ZAP70: variants seen among roughly 807,000 people sequenced by gnomAD.
ZAP70 encodes the protein zeta chain of T cell receptor associated protein kinase 70, also known as tyrosine-protein kinase ZAP-70.
Under a neutral mutation model 65.8 loss-of-function variants are expected in ZAP70, and 27 were observed. The ratio of observed to expected loss-of-function variants is 0.41; its 90% CI spans 0.30 to 0.57. ZAP70 has a LOEUF of 0.57. Ranked by LOEUF, ZAP70 falls within the 20% of genes least tolerant of loss-of-function variation. ZAP70 has a pLI of 0.28. For missense variants in ZAP70, 696 were observed against 870.5 expected (o/e 0.80, Z 2.52); for synonymous variants, 363 against 360.8 (o/e 1.01, Z -0.07).
the ZAP70 span, among the ~76,000 whole-genome samples, chr2:97,746,473 A>G: frequency 6.6e-6 from 1 of 152,210 alleles, no homozygotes; most frequent in Admixed American, 6.5e-5. Context: ...GCCACAATTT[A>G]TAGACCTGTG....
intron 8 of ZAP70, 173 bp downstream of exon 8, chr2:97,733,768 C>A: frequency 1.3e-6 from 1 of 757,676 alleles, no homozygotes. Flanking sequence ...CCTGCCTGTG[C>A]ACATGTACGT....
chr2:97,716,895 C>T (rs973243668), intron 2 of ZAP70, among the ~76,000 whole-genome samples: 2 of 152,204 alleles, frequency 1.3e-5, no homozygotes, highest in Non-Finnish European at 2.9e-5. Flanking sequence ...TGGACACCTT[C>T]ACTGGCCCTG....
At chr2:97,717,651 G>C (rs572107785) in intron 2 of ZAP70, among the ~76,000 whole-genome samples, 1 of 152,226 alleles carries the variant, frequency 6.6e-6, no homozygotes, top group Non-Finnish European at 1.5e-5. Flanking sequence ...GACCTTCAAG[G>C]CTTTGCTGAA....
chr2:97,732,781 T>A, intron 4 of ZAP70, 102 bp from the exon 5 acceptor site: 1 of 1,534,212 alleles, frequency 6.5e-7, no homozygotes, highest in Non-Finnish European at 8.9e-7. Context: ...TCTGCAAGGC[T>A]CTGAGGTGTG....
At chr2:97,739,310 AC>A in intron 13 of ZAP70, 64 bp from the exon 14 acceptor site, 1 of 1,604,798 alleles carries the variant, frequency 6.2e-7, no homozygotes, top group East Asian at 2.2e-5. Flanking sequence ...GTGCATGCCC[AC>A]CCACTGGTGA....
chr2:97,737,464 C>T lies in ZAP70; in HGVS notation c.1290-9C>T, dbSNP rs1279831174. The T allele has an allele frequency of 6.2e-7, 1 of 1,614,072 alleles. No individual in the cohort carries two copies. Among genetic ancestry groups the T allele is most frequent in the Admixed American group, 1.7e-5 (1 of 60,010 alleles). On this transcript the variant is annotated splice_polypyrimidine_tract_variant and intron_variant, in intron 10 of 13. Coordinates refer to ENST00000264972, the MANE Select transcript of ZAP70 (RefSeq NM_001079.4). The surrounding 1 kb of genome is among the most constrained non-coding windows in gnomAD (Gnocchi z 5.0). ...CTCCCAGCTGACCCCGCCTTCCCCG[C>T]CACCCCAGGGAGGAGATCCCTGTGA... is the stretch of plus-strand genomic sequence containing the variant.
chr2:97,740,340 AAATT>A (rs1278480873), downstream of ZAP70, among the ~76,000 whole-genome samples: 4 of 152,372 alleles, frequency 2.6e-5, no homozygotes, highest in Middle Eastern at 3.4e-3. Context: ...CATTGTTTTT[AAATT>A]AATTGTTTTA....
chr2:97,752,021 G>C, the ZAP70 span, among the ~76,000 whole-genome samples: 1 of 152,214 alleles, frequency 6.6e-6, no homozygotes, highest in Non-Finnish European at 1.5e-5. Flanking sequence ...GGAAAAAGGA[G>C]TATCTCTGTC....
Position 97,735,286 on chromosome 2 carries a change from G to C in ZAP70, c.1119G>C (p.Gln373His), listed in dbSNP as rs746618369. The C allele has an allele frequency of 6.2e-7, 1 of 1,614,084 alleles. No homozygotes were observed. The highest frequency in any genetic ancestry group is 1.7e-5 in the Admixed American group (1 of 60,038). The part of the protein sequence containing the change: ...QIDVAIKVLK[Q>H]GTEKADTEEM... The stretch of plus-strand genomic sequence containing the variant: ...ACGTGGCCATCAAGGTGCTGAAGCA[G>C]GGCACGGAGAAGGCAGACACGGAAG... The change falls in exon 10 of 14, where the codon CAG becomes CAC. Residue 373 changes from glutamine (Q) to histidine (H), a missense_variant. Around this residue, in one of 3 missense-constraint regions of ZAP70, gnomAD observed 551 missense variants for 630.0 expected, o/e 0.87. Transcript: ENST00000264972.
At chr2:97,740,326 C>A (rs568821282), downstream of ZAP70, among the ~76,000 whole-genome samples, 26 of 152,326 alleles carry the variant, frequency 1.7e-4, no homozygotes, top group African/African-American at 6.3e-4. Flanking sequence ...TACCAAAATG[C>A]AAACATTGTT....
chr2:97,722,124 A>C (rs986993665), intron 2 of ZAP70, among the ~76,000 whole-genome samples: 5 of 149,836 alleles, frequency 3.3e-5, no homozygotes, highest in African/African-American at 1.2e-4. Flanking sequence ...CTTGTTGCCC[A>C]GGCTGGAGTG....
chr2:97,735,752 G>A (rs1213974538), intron 10 of ZAP70, among the ~76,000 whole-genome samples: 2 of 152,250 alleles, frequency 1.3e-5, no homozygotes, highest in African/African-American at 4.8e-5. Context: ...GGTGGCTCAT[G>A]CCTGTAATTC....
downstream of ZAP70, among the ~76,000 whole-genome samples, chr2:97,743,025 C>A (rs1026001959): frequency 6.6e-6 from 1 of 152,160 alleles, no homozygotes; most frequent in Non-Finnish European, 1.5e-5. Flanking sequence ...GCATGGAAGC[C>A]CTGTTTCTCA....
chr2:97,739,356 T>C lies in ZAP70; in HGVS notation c.1737-19T>C. The C allele has an allele frequency of 6.2e-7, 1 of 1,612,920 alleles. No homozygotes were observed. Among genetic ancestry groups the C allele is most frequent in the South Asian group, 1.1e-5 (1 of 91,038 alleles). On this transcript the variant is annotated intron_variant, in intron 13 of 13. Coordinates refer to ENST00000264972, the MANE Select transcript of ZAP70 (RefSeq NM_001079.4). The stretch of plus-strand genomic sequence containing the variant: ...CTGGGGGCGTGGTCAGCAGCCTGGA[T>C]GTACCCCACGCCCCACAGGTGGGAG...
intron 7 of ZAP70, 71 bp from the exon 8 acceptor site, chr2:97,733,473 C>A (rs1458023442): frequency 6.2e-7 from 1 of 1,608,864 alleles, no homozygotes; most frequent in Non-Finnish European, 8.5e-7. Context: ...TGGGAGTCCT[C>A]AGTGGATATA....
At chr2:97,734,477 ACCCCTG>A (rs891705207) in intron 8 of ZAP70, 37 bp from the exon 9 acceptor site, 1 of 1,581,644 alleles carries the variant, frequency 6.3e-7, no homozygotes, top group Non-Finnish European at 8.6e-7. Flanking sequence ...TGCTCCCCAC[ACCCCTG>A]CCCCTGACCT....
chr2:97,721,872 C>T (rs1001776717), intron 2 of ZAP70, among the ~76,000 whole-genome samples: 41 of 151,416 alleles, frequency 2.7e-4, no homozygotes, highest in African/African-American at 9.7e-4. Flanking sequence ...CTGCAACCTC[C>T]GCCTCCCAGG....
At chr2:97,733,064 G>T in intron 5 of ZAP70, 43 bp downstream of exon 5, 5 of 1,614,030 alleles carry the variant, frequency 3.1e-6, no homozygotes, top group Non-Finnish European at 4.2e-6. Flanking sequence ...GCCGTGCTCA[G>T]ATGGGGTGCC....
rs1677884575 is a variant in ZAP70, at chr2:97,736,431, C to G, written c.1289+975C>G. ...CTGGCTCCCACATTCAGTCATTTGA[C>G]AGGTGTTTATTGGACAGTTTCTCAG... On this transcript the variant is annotated intron_variant, in intron 10 of 13. Coordinates refer to ENST00000264972, the MANE Select transcript of ZAP70 (RefSeq NM_001079.4). This position sits in a 1 kb window ranked among gnomAD's most constrained non-coding sequence, Gnocchi z 4.0. 6.6e-6 allele frequency among the ~76,000 whole-genome samples: 1 copy of G among 152,200 alleles called. No individual in the cohort carries two copies. Among genetic ancestry groups the G allele is most frequent in the African/African-American group, 2.4e-5 (1 of 41,440 alleles).
Sources: gnomAD v4.1 joint callset for allele counts (sites outside exome capture counted in the v4.1 genomes callset) on GRCh38, gnomAD v4.1.1 for gene constraint, gnomAD v4.1.1 regional missense constraint, Gnocchi (gnomAD v3.1) non-coding constraint, MANE v1.5 for transcripts, NCBI Gene and HGNC (gene_info 2026-07-23, HGNC 2026-07-21) for gene names.